MYO15A: variants seen among roughly 807,000 people sequenced by gnomAD.
The protein encoded by MYO15A is myosin XVA, also known as unconventional myosin-XV.
In MYO15A, 308 loss-of-function variants were observed where a neutral mutation model predicts 394.6. The ratio of observed to expected loss-of-function variants is 0.78; its 90% confidence interval spans 0.71 to 0.86. The LOEUF is 0.86. Among genes scored for constraint, MYO15A ranks in the 40% least tolerant of loss-of-function variants. The pLI, the probability that MYO15A is intolerant of heterozygous loss-of-function variation, is 0.00. For synonymous variants in MYO15A, 1,957 were observed against 2,003.8 expected, an observed-to-expected ratio of 0.98 and a Z score of 0.62; for missense variants, 4,606 against 4,799.1, an observed-to-expected ratio of 0.96 and a Z score of 1.19.
chr17:18,148,236 G>A lies in MYO15A; in HGVS notation c.6691+26G>A, dbSNP rs1407358353. ...GTAAGCTGCCTTCCCCCACCTCAGT[G>A]AGGGCAGTGGGAGTCAGCAGGGCCC... On this transcript the variant is annotated intron_variant, in intron 31 of 65. Coordinates refer to ENST00000647165, the MANE Select transcript of MYO15A (RefSeq NM_016239.4). This position sits in a 1 kb window ranked among gnomAD's most constrained non-coding sequence, Gnocchi z 4.8. The A allele has an allele frequency of 4.3e-6, 7 of 1,612,744 alleles. No homozygotes were observed. Among genetic ancestry groups the A allele is most frequent in the Non-Finnish European group, 4.2e-6 (5 of 1,179,910 alleles).
chr17:18,131,504 G>A lies in MYO15A; in HGVS notation c.4179G>A (p.Leu1393=). ...CTGGTGCCATAACCTCCCAGTACCT[G>A]CTTGAGAAATCCAGGATCGTGTTTC... ...VISGAITSQY[L]LEKSRIVFQA... is the part of the protein sequence containing the mutation. Residue 1393 remains leucine (L), a synonymous_variant, in exon 10 of 66, where the codon CTG becomes CTA. Transcript: ENST00000647165. The A allele has an allele frequency of 6.2e-7, 1 of 1,613,924 alleles. No individual in the cohort carries two copies. The highest frequency in any genetic ancestry group is 8.5e-7 in the Non-Finnish European group (1 of 1,179,966).
intron 17 of MYO15A, 82 bp downstream of exon 17, chr17:18,138,328 T>G: frequency 6.6e-7 from 1 of 1,518,580 alleles, no homozygotes; most frequent in East Asian, 2.3e-5. Context: ...ACTCCTTCAT[T>G]CCTCTCTGCT....
intron 1 of MYO15A, 105 bp downstream of exon 1, chr17:18,108,929 C>T (rs1177661934): frequency 1.3e-5 from 2 of 152,652 alleles, no homozygotes; most frequent in Admixed American, 6.5e-5. Flanking sequence ...GCTGGGGCCT[C>T]GCCCCTAACT....
chr17:18,122,298 C>CT lies in MYO15A; in HGVS notation c.3499dup (p.Trp1167LeufsTer23). ...GGCTTCGGGCAGATGCCTATGGACCCTGGCCACGAGTACACACCCATCCCC... is the reference window on the plus strand; with the variant it reads ...GGCTTCGGGCAGATGCCTATGGACCCTTGGCCACGAGTACACACCCATCCCC... On this transcript the variant is annotated frameshift_variant, in exon 2 of 66. Transcript: ENST00000647165. LOFTEE classifies it high-confidence loss of function. 6.2e-7 allele frequency: 1 copy of CT among 1,612,940 alleles called. No homozygotes were observed. The highest frequency in any genetic ancestry group is 8.5e-7 in the Non-Finnish European group (1 of 1,179,996).
At chr17:18,145,088 T>G (rs2046452907) in intron 29 of MYO15A, among the ~76,000 whole-genome samples, 1 of 152,048 alleles carries the variant, frequency 6.6e-6, no homozygotes, top group African/African-American at 2.4e-5. Context: ...GAAATTGGTG[T>G]GGTCAGAACA....
At chr17:18,157,505 C>T (rs904370839) in intron 50 of MYO15A, 21 of 1,061,100 alleles carry the variant, frequency 2.0e-5, no homozygotes, top group Non-Finnish European at 2.8e-5. Context: ...CCTGCTTTGC[C>T]TTTTTGCTTC....
intron 9 of MYO15A, 37 bp from the exon 10 acceptor site, chr17:18,131,431 T>C (rs1175919982): frequency 3.1e-6 from 5 of 1,613,142 alleles, no homozygotes; most frequent in Non-Finnish European, 4.2e-6. Flanking sequence ...CCAGCCCTCC[T>C]ACCCTCACTG....
intron 15 of MYO15A, 66 bp from the exon 16 acceptor site, chr17:18,137,518 A>C: frequency 6.9e-7 from 1 of 1,449,028 alleles, no homozygotes; most frequent in Non-Finnish European, 9.6e-7. Flanking sequence ...GCCACCAGGG[A>C]AGGTAGGGGC....
At position 18,154,757 on chromosome 17, in the gene MYO15A, T is replaced by C. The variant is rs761287010; in HGVS notation, c.8224+2T>C. The C allele has an allele frequency of 6.2e-7, 1 of 1,613,270 alleles. No homozygotes were observed. The highest frequency in any genetic ancestry group is 1.3e-5 in the African/African-American group (1 of 74,884). ...GGCTCAGGATGAAGGCCTTGTTTGGTATCTCGGGGGAGAGGAGGGGTACTG... is the reference window on the plus strand; with the variant it reads ...GGCTCAGGATGAAGGCCTTGTTTGGCATCTCGGGGGAGAGGAGGGGTACTG... On this transcript the variant is annotated splice_donor_variant, in intron 45 of 65. Transcript: ENST00000647165. LOFTEE classifies it high-confidence loss of function.
Position 18,151,419 on chromosome 17 carries a change from G to C in MYO15A, c.7679G>C (p.Arg2560Pro). Residue 2560 changes from arginine to proline, a missense_variant, in exon 40 of 66, where the codon CGG (arginine) becomes CCG (proline). Coordinates refer to ENST00000647165, the MANE Select transcript of MYO15A (RefSeq NM_016239.4). Reference protein sequence around the residue: ...ETTSPSPELVRYSTLNSEHFP... With the variant: ...ETTSPSPELVPYSTLNSEHFP... ...GCTTCACCCTCCCCAGAGCTGGTCC[G>C]GTACTCTACGCTCAACTCTGAGCAC... The C allele has an allele frequency of 6.2e-7, 1 of 1,614,166 alleles. No individual in the cohort carries two copies. The highest frequency in any genetic ancestry group is 1.7e-5 in the Admixed American group (1 of 60,016).
In MYO15A at chr17:18,139,017, C is replaced by T. The variant is rs1312979339; in HGVS notation, c.5133+81C>T. The T allele has an allele frequency of 1.9e-6, 3 of 1,550,044 alleles. No homozygotes were observed. In the East Asian group the frequency reaches 7.1e-5, roughly 37 times the overall value. On this transcript the variant is annotated intron_variant, in intron 18 of 65. Transcript: ENST00000647165. Reference sequence around the variant, plus strand: ...GAGACACAGAAGCACAACACTGGCCCCAGACATTCACAGCCAGGTCCAATT... The same window carrying T: ...GAGACACAGAAGCACAACACTGGCCTCAGACATTCACAGCCAGGTCCAATT...
chr17:18,154,341 C>G (rs1401511865), intron 44 of MYO15A, 151 bp downstream of exon 44: 18 of 917,290 alleles, frequency 2.0e-5, no homozygotes, highest in Admixed American at 1.6e-4. Flanking sequence ...GAATCTCCCC[C>G]TCCCATGGGC....
intron 1 of MYO15A, chr17:18,109,831 C>T (rs1267174920): frequency 6.6e-6 from 1 of 152,216 alleles, no homozygotes; most frequent in Admixed American, 6.5e-5. Flanking sequence ...GAATATTCAT[C>T]TATCTGTCCC....
intron 28 of MYO15A, 128 bp downstream of exon 28, chr17:18,144,128 CT>C: frequency 6.9e-7 from 1 of 1,450,930 alleles, no homozygotes; most frequent in Non-Finnish European, 9.4e-7. Context: ...CTTTTAGTTG[CT>C]GGATCATAGG....
At chr17:18,151,609 G>C in intron 40 of MYO15A, 82 bp downstream of exon 40, 2 of 1,563,254 alleles carry the variant, frequency 1.3e-6, no homozygotes, top group Non-Finnish European at 8.8e-7. Context: ...TTACTGGGTT[G>C]AAGCGCCCTG....
intron 44 of MYO15A, 50 bp downstream of exon 44, chr17:18,154,240 T>TGGAC (rs1342205790): frequency 6.2e-7 from 1 of 1,603,616 alleles, no homozygotes; most frequent in African/African-American, 1.3e-5. Context: ...CAGGGCTGTG[T>TGGAC]GGACGCAAAG....
Position 18,155,162 on chromosome 17 carries a change from G to A in MYO15A, c.8277G>A (p.Arg2759=). The change falls in exon 46 of 66, where the codon CGG becomes CGA. Residue 2759 remains arginine, a synonymous_variant. Transcript: ENST00000647165. ...QKPLVTESVK[R]AVVSTARDTW... Reference sequence around the variant, plus strand: ...CTCTGGTAACGGAAAGCGTGAAGCGGGCCGTGGTCAGCACTGCACGAGACA... The same window carrying A: ...CTCTGGTAACGGAAAGCGTGAAGCGAGCCGTGGTCAGCACTGCACGAGACA... 1.2e-6 allele frequency: 2 copies of A among 1,613,982 alleles called. No individual in the cohort carries two copies. The highest frequency in any genetic ancestry group is 1.7e-6 in the Non-Finnish European group (2 of 1,180,024).
At position 18,133,437 on chromosome 17, in the gene MYO15A, C is replaced by T. The variant is rs371292468; in HGVS notation, c.4482+51C>T. 72 of 1,601,988 alleles carry T rather than the reference C, an allele frequency of 4.5e-5. 1 individual carries two copies. The highest frequency in any genetic ancestry group is 2.7e-4 in the East Asian group (12 of 44,618). On this transcript the variant is annotated intron_variant, in intron 12 of 65. Coordinates refer to ENST00000647165, the MANE Select transcript of MYO15A (RefSeq NM_016239.4). ...GGGGCCCGCACCCTCTGGACTTGGCCGTCTTTTCCAAGGCCTTCTCTGTTT... is the reference window on the plus strand; with the variant it reads ...GGGGCCCGCACCCTCTGGACTTGGCTGTCTTTTCCAAGGCCTTCTCTGTTT...
intron 65 of MYO15A, among the ~76,000 whole-genome samples, chr17:18,175,479 T>C (rs1320936670): frequency 6.6e-6 from 1 of 151,824 alleles, no homozygotes; most frequent in South Asian, 2.1e-4. Context: ...TTAGCAGAGA[T>C]AGGGTTTCAC....
Sources: allele counts gnomAD v4.1 joint callset (sites outside exome capture counted in the v4.1 genomes callset), GRCh38; gene constraint gnomAD v4.1.1; non-coding constraint Gnocchi (gnomAD v3.1); transcripts MANE v1.5; gene names NCBI Gene and HGNC (gene_info 2026-07-23, HGNC 2026-07-21).